The following CADM2 variants were observed in gnomAD, a reference collection of about 807,000 sequenced individuals.
The protein encoded by CADM2 is cell adhesion molecule 2, also known as immunoglobulin superfamily member 4D.
A neutral mutation model predicts 49.8 loss-of-function variants in CADM2; 12 were observed. The observed-to-expected ratio is 0.24, with a 90% CI of 0.15 to 0.39. CADM2 has a LOEUF of 0.39. Among genes scored for constraint, CADM2 ranks in the 10% least tolerant of loss-of-function variants. The pLI, the probability that CADM2 is intolerant of heterozygous loss-of-function variation, is 1.00. For synonymous variants in CADM2, 214 were observed against 175.4 expected (o/e 1.22, Z -1.74); for missense variants, 378 against 492.3 (o/e 0.77, Z 2.20).
chr3:85,051,168 A>G (rs2035868409), intron 1 of CADM2, among the ~76,000 whole-genome samples: 1 of 152,218 alleles, frequency 6.6e-6, no homozygotes, highest in Non-Finnish European at 1.5e-5. Context: ...TTCTAGGTAT[A>G]AAGTTAACGT....
intron 1 of CADM2, among the ~76,000 whole-genome samples, chr3:85,432,944 A>G (rs1025489282): frequency 6.6e-6 from 1 of 152,072 alleles, no homozygotes; most frequent in Admixed American, 6.6e-5. Context: ...ATTATGCTCC[A>G]ATTTTAGTGT....
At chr3:85,072,200 CTATACTTACAACGGTCA>C (rs2036774079) in intron 1 of CADM2, among the ~76,000 whole-genome samples, 1 of 151,852 alleles carries the variant, frequency 6.6e-6, no homozygotes, top group Non-Finnish European at 1.5e-5. Flanking sequence ...AAATGTAAAT[CTATACTTACAACGGTCA>C]GAAAAAATTC....
At chr3:85,778,201 A>G (rs1450268475) in intron 2 of CADM2, among the ~76,000 whole-genome samples, 1 of 152,180 alleles carries the variant, frequency 6.6e-6, no homozygotes, top group Non-Finnish European at 1.5e-5. Context: ...GCCTGTTGAA[A>G]AGCATTATTT....
intron 1 of CADM2, among the ~76,000 whole-genome samples, chr3:85,645,100 TTCTC>T (rs2064843017): frequency 1.3e-5 from 2 of 152,238 alleles, no homozygotes; most frequent in Admixed American, 6.5e-5. Context: ...TTCTGATACT[TTCTC>T]TCATCTAGAA....
At chr3:85,580,172 G>A (rs2062754758) in intron 1 of CADM2, among the ~76,000 whole-genome samples, 1 of 152,068 alleles carries the variant, frequency 6.6e-6, no homozygotes, top group South Asian at 2.1e-4. Context: ...GTTATTTATT[G>A]ACCCATTTAA....
chr3:85,959,113 T>TCTATATAG (rs1724483837), intron 7 of CADM2, among the ~76,000 whole-genome samples: 1 of 149,344 alleles, frequency 6.7e-6, no homozygotes, highest in Non-Finnish European at 1.5e-5. Context: ...TATATCTATA[T>TCTATATAG]CTATATAGCT....
At chr3:85,377,946 A>T (rs1200700421) in intron 1 of CADM2, among the ~76,000 whole-genome samples, 1 of 152,068 alleles carries the variant, frequency 6.6e-6, no homozygotes, top group African/African-American at 2.4e-5. Flanking sequence ...GCAGTACATG[A>T]TAGCTTTGTA....
At chr3:85,888,526 T>C (rs535902612) in intron 5 of CADM2, among the ~76,000 whole-genome samples, 1 of 152,242 alleles carries the variant, frequency 6.6e-6, no homozygotes, top group Non-Finnish European at 1.5e-5. Context: ...CTTGTGAAGA[T>C]CCCATTTTTT....
At chr3:85,199,823 A>G (rs1314764448) in intron 1 of CADM2, among the ~76,000 whole-genome samples, 1 of 152,042 alleles carries the variant, frequency 6.6e-6, no homozygotes, top group Non-Finnish European at 1.5e-5. Flanking sequence ...AAAAATATAA[A>G]CACATTGAAA....
chr3:85,388,032 G>T (rs571756522), intron 1 of CADM2, among the ~76,000 whole-genome samples: 4 of 152,160 alleles, frequency 2.6e-5, no homozygotes, highest in Admixed American at 2.6e-4. Flanking sequence ...GTCCAATAAT[G>T]TACAGGCAAA....
At chr3:85,879,753 T>C (rs753888726) in intron 3 of CADM2, among the ~76,000 whole-genome samples, 4 of 152,216 alleles carry the variant, frequency 2.6e-5, no homozygotes, top group Admixed American at 6.5e-5. Context: ...GCTGTAAAGC[T>C]ATGAAACAAC....
intron 1 of CADM2, among the ~76,000 whole-genome samples, chr3:85,271,985 CT>C (rs1416612962): frequency 1.3e-5 from 2 of 151,108 alleles, no homozygotes; most frequent in African/African-American, 4.8e-5. Flanking sequence ...ATCTCAAAAC[CT>C]GCCAACACTA....
At chr3:85,845,948 T>C in intron 3 of CADM2, among the ~76,000 whole-genome samples, 1 of 152,102 alleles carries the variant, frequency 6.6e-6, no homozygotes, top group Non-Finnish European at 1.5e-5. Flanking sequence ...CATAGTAAAC[T>C]CTTAATGACT....
intron 1 of CADM2, among the ~76,000 whole-genome samples, chr3:85,441,279 T>C (rs2037190456): frequency 6.6e-6 from 1 of 151,980 alleles, no homozygotes; most frequent in African/African-American, 2.4e-5. Context: ...CCACTTAACA[T>C]GATCATTAAG....
intron 3 of CADM2, among the ~76,000 whole-genome samples, chr3:85,873,098 CTTT>C (rs2075991554): frequency 6.6e-6 from 1 of 152,102 alleles, no homozygotes; most frequent in African/African-American, 2.4e-5. Context: ...CCCAAAACTT[CTTT>C]GTTAAAGTCA....
At chr3:85,874,907 C>G (rs1047648648) in intron 3 of CADM2, among the ~76,000 whole-genome samples, 2 of 152,026 alleles carry the variant, frequency 1.3e-5, no homozygotes, top group African/African-American at 2.4e-5. Context: ...ACAGTCTTCT[C>G]TCATAAAACT....
intron 2 of CADM2, among the ~76,000 whole-genome samples, chr3:85,789,542 C>G (rs973673412): frequency 2.4e-4 from 36 of 152,054 alleles, no homozygotes; most frequent in South Asian, 8.3e-4. Context: ...TGGATTCTTT[C>G]ACATTACAAT....
At chr3:85,309,388 G>A (rs2044289336) in intron 1 of CADM2, among the ~76,000 whole-genome samples, 1 of 152,042 alleles carries the variant, frequency 6.6e-6, no homozygotes, top group Admixed American at 6.5e-5. Flanking sequence ...TTTCCACATT[G>A]TGCTTTCTGT....
chr3:85,603,167 T>C (rs1013874430), intron 1 of CADM2, among the ~76,000 whole-genome samples: 1 of 151,916 alleles, frequency 6.6e-6, no homozygotes, highest in African/African-American at 2.4e-5. Flanking sequence ...TGTCAGATAA[T>C]GGATCTGAAA....
Sources: gnomAD v4.1 joint callset for allele counts (sites outside exome capture counted in the v4.1 genomes callset) on GRCh38, gnomAD v4.1.1 for gene constraint, MANE v1.5 for transcripts, NCBI Gene and HGNC (gene_info 2026-07-23, HGNC 2026-07-21) for gene names.